ABLIM2: variants seen among roughly 807,000 people sequenced by gnomAD.
The protein encoded by ABLIM2 is actin binding LIM protein family member 2.
In ABLIM2, 53 loss-of-function variants were observed where a neutral mutation model predicts 97.7. That is an observed-to-expected ratio of 0.54 (90% CI 0.44 to 0.68). The LOEUF is 0.68. Among genes scored for constraint, ABLIM2 ranks in the 30% least tolerant of loss-of-function variants. The pLI, the probability that ABLIM2 is intolerant of heterozygous loss-of-function variation, is 0.00. For missense variants in ABLIM2, 835 were observed against 867.2 expected, an observed-to-expected ratio of 0.96 and a Z score of 0.47; for synonymous variants, 361 against 345.8, an observed-to-expected ratio of 1.04 and a Z score of -0.49.
chr4:8,024,032 G>A (rs558299820), intron 12 of ABLIM2, among the ~76,000 whole-genome samples: 12 of 152,304 alleles, frequency 7.9e-5, no homozygotes, highest in Non-Finnish European at 1.6e-4. Context: ...CCCTGAGGAC[G>A]ATGCTTCAGT....
Position 8,106,570 on chromosome 4 carries a change from C to A in ABLIM2, c.78G>T (p.Thr26=), listed in dbSNP as rs573766574. 2 of 1,610,696 alleles carry A rather than the reference C, an allele frequency of 1.2e-6. No individual in the cohort carries two copies. The highest frequency in any genetic ancestry group is 1.7e-6 in the Non-Finnish European group (2 of 1,178,792). ...CCTCGCCCTTGCACACATTCCCACACGTGTTGCACAGGATCGCCGTGCTGG... is the reference window on the plus strand; with the variant it reads ...CCTCGCCCTTGCACACATTCCCACAAGTGTTGCACAGGATCGCCGTGCTGG... ...KSPSTAILCN[T]CGNVCKGEVL... The change falls in exon 2 of 21, where the codon ACG becomes ACT. Residue 26 remains threonine (T), a synonymous_variant. Coordinates refer to ENST00000447017, the MANE Select transcript of ABLIM2 (RefSeq NM_001130083.2).
At chr4:8,103,582 G>A (rs564828343) in intron 2 of ABLIM2, among the ~76,000 whole-genome samples, 27 of 152,356 alleles carry the variant, frequency 1.8e-4, no homozygotes, top group Non-Finnish European at 2.6e-4. Flanking sequence ...CCCTGCTACT[G>A]CTGGAGTCCA....
chr4:7,993,804 G>T (rs1380948630), intron 16 of ABLIM2: 3 of 428,168 alleles, frequency 7.0e-6, no homozygotes, highest in East Asian at 7.5e-5. Context: ...GATTCCCTGT[G>T]GGGCAAGGCT....
intron 1 of ABLIM2, among the ~76,000 whole-genome samples, chr4:8,152,963 A>G (rs1032957289): frequency 6.6e-6 from 1 of 152,134 alleles, no homozygotes; most frequent in Non-Finnish European, 1.5e-5. Context: ...ACGGAGCCCT[A>G]CCCAGGCAGA....
chr4:7,967,992 C>T (rs1724344343), intron 20 of ABLIM2, among the ~76,000 whole-genome samples: 1 of 152,246 alleles, frequency 6.6e-6, no homozygotes, highest in Non-Finnish European at 1.5e-5. Flanking sequence ...AACCCCTACT[C>T]TCCTGCCTGT....
chr4:7,977,974 T>C (rs781250799), intron 20 of ABLIM2, among the ~76,000 whole-genome samples: 53 of 152,108 alleles, frequency 3.5e-4, no homozygotes, highest in Non-Finnish European at 7.5e-4. Context: ...GTGCAAGAGA[T>C]TTCCAGAAGC....
At chr4:7,995,259 G>A (rs1001355681) in intron 16 of ABLIM2, among the ~76,000 whole-genome samples, 1 of 152,254 alleles carries the variant, frequency 6.6e-6, no homozygotes, top group Non-Finnish European at 1.5e-5. Flanking sequence ...GCTCACACCT[G>A]CCTCATCTGG....
chr4:8,106,499 C>T lies in ABLIM2; in HGVS notation c.149G>A (p.Cys50Tyr). Residue 50 changes from cysteine to tyrosine, a missense_variant, in exon 2 of 21, where the codon TGT (cysteine) becomes TAT (tyrosine). Transcript: ENST00000447017. ...GGGGACCGGGGGACACTCACCTTTA[C>T]AGACGAAGCACTTGATGTGGAAGTA... ...DKYFHIKCFV[C>Y]KACGCDLAEG... is the part of the protein sequence containing the mutation. 1 of 1,594,954 alleles carries T rather than the reference C, an allele frequency of 6.3e-7. No homozygotes were observed. The highest frequency in any genetic ancestry group is 8.5e-7 in the Non-Finnish European group (1 of 1,170,836).
intron 7 of ABLIM2, among the ~76,000 whole-genome samples, chr4:8,055,775 T>C (rs769805655): frequency 5.3e-5 from 8 of 152,130 alleles, no homozygotes; most frequent in Non-Finnish European, 7.4e-5. Context: ...TGTGAGTGCA[T>C]AGAAAACATT....
At chr4:8,139,106 A>C (rs1850582935) in intron 1 of ABLIM2, among the ~76,000 whole-genome samples, 1 of 152,164 alleles carries the variant, frequency 6.6e-6, no homozygotes, top group Admixed American at 6.5e-5. Flanking sequence ...TGAGGGCAGG[A>C]GAATTGCTTG....
chr4:7,995,500 C>A (rs966823844), intron 16 of ABLIM2, among the ~76,000 whole-genome samples: 10 of 152,224 alleles, frequency 6.6e-5, no homozygotes, highest in Admixed American at 2.6e-4. Flanking sequence ...GCAAAAGATG[C>A]TTCTCCGGGG....
At chr4:8,000,764 G>A (rs1756594307) in intron 16 of ABLIM2, among the ~76,000 whole-genome samples, 1 of 152,156 alleles carries the variant, frequency 6.6e-6, no homozygotes, top group South Asian at 2.1e-4. Context: ...GCTGCTGCCT[G>A]GGAACGGGAG....
intron 20 of ABLIM2, among the ~76,000 whole-genome samples, chr4:7,980,445 T>C (rs569603576): frequency 6.6e-6 from 1 of 152,316 alleles, no homozygotes; most frequent in South Asian, 2.1e-4. Flanking sequence ...CCAGGCATAG[T>C]GGCTCACACC....
rs749224052 is a variant in ABLIM2, at chr4:8,027,742, A to G, written c.1267+17T>C. On this transcript the variant is annotated intron_variant, in intron 12 of 20. Coordinates refer to ENST00000447017, the MANE Select transcript of ABLIM2 (RefSeq NM_001130083.2). ...ACACCCATGAGCACCCACAGCCCACATCACTGCGTGCCTTACCTCGGAAGT... is the reference window on the plus strand; with the variant it reads ...ACACCCATGAGCACCCACAGCCCACGTCACTGCGTGCCTTACCTCGGAAGT... 67 of 1,551,628 alleles carry G rather than the reference A, an allele frequency of 4.3e-5. No individual in the cohort carries two copies. In the East Asian group the frequency reaches 4.6e-4, roughly 11 times the overall value.
At chr4:8,118,519 G>A (rs1474686038) in intron 1 of ABLIM2, among the ~76,000 whole-genome samples, 2 of 152,334 alleles carry the variant, frequency 1.3e-5, no homozygotes, top group East Asian at 1.9e-4. Context: ...AGATCTGGGA[G>A]GGTGGCCTCC....
intron 17 of ABLIM2, among the ~76,000 whole-genome samples, chr4:7,985,843 T>G (rs906460494): frequency 5.9e-5 from 9 of 152,160 alleles, no homozygotes; most frequent in Non-Finnish European, 8.8e-5. Flanking sequence ...TTCCCTTCTG[T>G]CCACCTGGAA....
At chr4:8,090,755 G>A (rs1826804706) in intron 3 of ABLIM2, among the ~76,000 whole-genome samples, 2 of 149,856 alleles carry the variant, frequency 1.3e-5, no homozygotes, top group Non-Finnish European at 1.5e-5. Flanking sequence ...CATAGTCTTT[G>A]GTGTTTTGTC....
chr4:8,088,523 C>T (rs891566122), intron 3 of ABLIM2, among the ~76,000 whole-genome samples: 16 of 152,248 alleles, frequency 1.1e-4, no homozygotes, highest in African/African-American at 3.9e-4. Flanking sequence ...CAGGCAGAAT[C>T]ATAGCACCTA....
At chr4:7,973,075 C>CTGTG (rs71175444) in intron 20 of ABLIM2, among the ~76,000 whole-genome samples, 4,146 of 123,986 alleles carry the variant, frequency 0.033, 222 homozygotes, top group African/African-American at 0.1. Flanking sequence ...GCTCCCCTTG[C>CTGTG]TGTGTGTGTG....
Sources: allele counts gnomAD v4.1 joint callset (sites outside exome capture counted in the v4.1 genomes callset), GRCh38; gene constraint gnomAD v4.1.1; transcripts MANE v1.5; gene names NCBI Gene and HGNC (gene_info 2026-07-23, HGNC 2026-07-21).